The following ARHGAP25 variants were observed in gnomAD, a reference collection of about 807,000 sequenced individuals.
The protein encoded by ARHGAP25 is Rho GTPase activating protein 25, also known as rho GTPase-activating protein 25.
In ARHGAP25, 34 loss-of-function variants were observed where a neutral mutation model predicts 71.0. The observed-to-expected ratio is 0.48, with a 90% CI of 0.36 to 0.64. ARHGAP25 has a LOEUF of 0.64. Among genes scored for constraint, ARHGAP25 ranks in the 30% least tolerant of loss-of-function variants. The probability of loss-of-function intolerance (pLI) is 0.00; values close to 1 mark genes in which losing one functional copy is unlikely to be tolerated. For synonymous variants in ARHGAP25, 282 were observed against 296.5 expected (o/e 0.95, Z 0.50); for missense variants, 706 against 805.1 (o/e 0.88, Z 1.49).
At chr2:68,784,868 C>T (rs777481378) in intron 3 of ARHGAP25, among the ~76,000 whole-genome samples, 10 of 152,050 alleles carry the variant, frequency 6.6e-5, no homozygotes, top group Non-Finnish European at 1.5e-4. Flanking sequence ...GAAAATTAAA[C>T]CAAAGAGAGA....
intron 3 of ARHGAP25, among the ~76,000 whole-genome samples, chr2:68,785,770 G>A (rs1037071108): frequency 1.3e-5 from 2 of 152,152 alleles, no homozygotes; most frequent in African/African-American, 2.4e-5. Context: ...ATGGGTAGGA[G>A]TTCTTTAGGC....
At chr2:68,733,617 A>T (rs540021635), upstream of ARHGAP25, among the ~76,000 whole-genome samples, 19 of 152,310 alleles carry the variant, frequency 1.2e-4, no homozygotes, top group South Asian at 3.7e-3. Context: ...TACCAAGAAT[A>T]AGGTCAGGGA....
intron 2 of ARHGAP25, among the ~76,000 whole-genome samples, chr2:68,780,175 T>A (rs1878896): frequency 0.027 from 4,130 of 152,330 alleles, 198 homozygotes; most frequent in African/African-American, 0.094. Context: ...GATGTGCTGA[T>A]ACATTCAGGG....
At chr2:68,775,116 C>T (rs906370703) in intron 1 of ARHGAP25, 105 bp from the exon 2 acceptor site, 2 of 1,596,712 alleles carry the variant, frequency 1.3e-6, no homozygotes, top group Non-Finnish European at 1.7e-6. Flanking sequence ...GGTTGTCGTC[C>T]CCCCGCTTCT....
upstream of ARHGAP25, among the ~76,000 whole-genome samples, chr2:68,734,606 C>T (rs754776518): frequency 2.3e-4 from 35 of 152,204 alleles, no homozygotes; most frequent in African/African-American, 5.5e-4. Flanking sequence ...ATGGGAGTTT[C>T]GACATTTTCT....
intron 4 of ARHGAP25, among the ~76,000 whole-genome samples, chr2:68,801,708 G>T (rs770696275): frequency 3.3e-5 from 5 of 152,134 alleles, no homozygotes; most frequent in Admixed American, 6.5e-5. Flanking sequence ...CCTTTGAGGG[G>T]TCCACAGTCC....
intron 1 of ARHGAP25, among the ~76,000 whole-genome samples, chr2:68,751,996 T>A (rs899940222): frequency 6.6e-5 from 10 of 152,344 alleles, no homozygotes; most frequent in Admixed American, 1.3e-4. Flanking sequence ...TGCAGGTTCC[T>A]GGCATCCATT....
Position 68,826,244 on chromosome 2 carries a change from C to T in ARHGAP25, c.*50C>T. The T allele has an allele frequency of 1.3e-6, 2 of 1,539,828 alleles. No homozygotes were observed. On this transcript the variant is annotated 3_prime_UTR_variant, in exon 11 of 11. Coordinates refer to ENST00000409202, the MANE Select transcript of ARHGAP25 (RefSeq NM_001007231.3). Reference sequence around the variant, plus strand: ...AGCCCCAGAGAGGCCCAACTCTGGCCCCTTTCTCAGTGCTATCTGATGACG... The same window carrying T: ...AGCCCCAGAGAGGCCCAACTCTGGCTCCTTTCTCAGTGCTATCTGATGACG...
intron 1 of ARHGAP25, among the ~76,000 whole-genome samples, chr2:68,764,670 G>T (rs1044243604): frequency 7.2e-5 from 11 of 152,100 alleles, no homozygotes; most frequent in African/African-American, 2.7e-4. Context: ...ACCTCTGTGC[G>T]CACTTGGAAG....
At chr2:68,795,100 G>A (rs1679447852) in intron 4 of ARHGAP25, among the ~76,000 whole-genome samples, 2 of 151,976 alleles carry the variant, frequency 1.3e-5, no homozygotes, top group South Asian at 2.1e-4. Flanking sequence ...TTTGTATTTC[G>A]ATGGTATTAG....
At chr2:68,813,602 T>G (rs1466580294) in intron 6 of ARHGAP25, among the ~76,000 whole-genome samples, 183 bp downstream of exon 6, 1 of 152,186 alleles carries the variant, frequency 6.6e-6, no homozygotes, top group African/African-American at 2.4e-5. Context: ...ACAGCCTTCA[T>G]GAGATGCAAT....
At chr2:68,766,402 A>G (rs1004467655) in intron 1 of ARHGAP25, among the ~76,000 whole-genome samples, 2 of 152,212 alleles carry the variant, frequency 1.3e-5, no homozygotes, top group African/African-American at 4.8e-5. Flanking sequence ...GCTCTGGGGC[A>G]GTGTTCTTCC....
intron 3 of ARHGAP25, 74 bp downstream of exon 3, chr2:68,782,394 C>CA: frequency 2.2e-6 from 3 of 1,361,290 alleles, no homozygotes; most frequent in Non-Finnish European, 3.1e-6. Flanking sequence ...CCCTAGAAGT[C>CA]AAAGCTATAT....
intron 5 of ARHGAP25, 140 bp downstream of exon 5, chr2:68,807,620 G>A (rs1680470177): frequency 1.2e-6 from 1 of 847,336 alleles, no homozygotes; most frequent in Non-Finnish European, 1.8e-6. Flanking sequence ...AAGAGCCTTT[G>A]TTTCGCCCAT....
intron 1 of ARHGAP25, among the ~76,000 whole-genome samples, chr2:68,757,936 T>C (rs1043847081): frequency 6.6e-6 from 1 of 152,056 alleles, no homozygotes; most frequent in Non-Finnish European, 1.5e-5. Flanking sequence ...TATATAAAGA[T>C]GTAATTCTGA....
intron 4 of ARHGAP25, among the ~76,000 whole-genome samples, chr2:68,806,944 G>A (rs181053112): frequency 3.0e-4 from 45 of 152,296 alleles, no homozygotes; most frequent in Admixed American, 3.9e-4. Flanking sequence ...AGTAAGGTGC[G>A]TGTGACATTA....
chr2:68,810,089 A>G (rs1197826956), intron 5 of ARHGAP25, among the ~76,000 whole-genome samples: 1 of 149,974 alleles, frequency 6.7e-6, no homozygotes, highest in Non-Finnish European at 1.5e-5. Context: ...CGTTGAACCC[A>G]GAAGCCACCT....
chr2:68,759,444 A>C (rs962977961), intron 1 of ARHGAP25, among the ~76,000 whole-genome samples: 25 of 151,928 alleles, frequency 1.6e-4, no homozygotes, highest in African/African-American at 6.0e-4. Flanking sequence ...TAAAAGTACT[A>C]TAAGCAATTG....
chr2:68,733,110 G>A (rs1315640954), upstream of ARHGAP25, among the ~76,000 whole-genome samples: 1 of 152,218 alleles, frequency 6.6e-6, no homozygotes, highest in African/African-American at 2.4e-5. Context: ...AGAGGTCAGA[G>A]AGATGAGAAG....
Sources: allele counts gnomAD v4.1 joint callset (sites outside exome capture counted in the v4.1 genomes callset), GRCh38; gene constraint gnomAD v4.1.1; transcripts MANE v1.5; gene names NCBI Gene and HGNC (gene_info 2026-07-23, HGNC 2026-07-21).